The following SHANK2 variants were observed in gnomAD, a reference collection of about 807,000 sequenced individuals.
SHANK2 encodes SH3 and multiple ankyrin repeat domains 2.
In SHANK2, 43 loss-of-function variants were observed where a neutral mutation model predicts 133.7. That is an observed-to-expected ratio of 0.32 (90% confidence interval 0.25 to 0.41). The LOEUF is 0.41. SHANK2 is among the 10% of genes least tolerant of loss of function. SHANK2 has a pLI of 1.00. For synonymous variants in SHANK2, 1,017 were observed against 952.8 expected (o/e 1.07, Z -1.24); for missense variants, 1,994 against 2,235.8 (o/e 0.89, Z 2.18).
At chr11:70,850,837 G>C (rs139234151) in intron 11 of SHANK2, among the ~76,000 whole-genome samples, 17 of 152,334 alleles carry the variant, frequency 1.1e-4, no homozygotes, top group African/African-American at 4.1e-4. Context: ...CAGACCAGCT[G>C]AAACAAGTAC....
intron 17 of SHANK2, among the ~76,000 whole-genome samples, chr11:70,602,872 G>T (rs1212924230): frequency 6.6e-6 from 1 of 152,176 alleles, no homozygotes; most frequent in African/African-American, 2.4e-5. Flanking sequence ...CACAGGCTTT[G>T]GATAGCGACT....
intron 17 of SHANK2, among the ~76,000 whole-genome samples, chr11:70,585,417 A>G (rs1323533282): frequency 2.0e-5 from 3 of 152,184 alleles, no homozygotes; most frequent in Admixed American, 1.3e-4. Context: ...AAGCTGCCCC[A>G]GGTCCTCACA....
At chr11:70,620,809 T>C (rs1431164792) in intron 17 of SHANK2, among the ~76,000 whole-genome samples, 1 of 152,158 alleles carries the variant, frequency 6.6e-6, no homozygotes, top group Non-Finnish European at 1.5e-5. Context: ...CTCTCCTCTC[T>C]CTGCCATGTG....
chr11:71,196,942 G>T lies in SHANK2; in HGVS notation c.-13+27755C>A, dbSNP rs1591010137. Among the ~76,000 whole-genome samples, 5 of 144,954 alleles carry T rather than the reference G, an allele frequency of 3.4e-5. No individual in the cohort carries two copies. In the South Asian group the frequency reaches 1.1e-3, roughly 32 times the overall value. ...GAACCTGGGAGGCAGAGGTTGCAGT[G>T]AGCTGAGATAGCGCCACCGCACTTC... On this transcript the variant is annotated intron_variant, in intron 2 of 25. Transcript: ENST00000601538.
intron 17 of SHANK2, among the ~76,000 whole-genome samples, chr11:70,638,166 T>C (rs1329311829): frequency 6.6e-6 from 1 of 151,978 alleles, no homozygotes; most frequent in Admixed American, 6.6e-5. Flanking sequence ...GTCACTGCAC[T>C]GCTCAGAGCA....
chr11:70,672,222 C>A (rs1358510008), intron 15 of SHANK2, among the ~76,000 whole-genome samples: 1 of 151,990 alleles, frequency 6.6e-6, no homozygotes, highest in African/African-American at 2.4e-5. Flanking sequence ...CGCCACCATG[C>A]CTGGCTAATT....
At chr11:70,577,618 A>C (rs566568512) in intron 17 of SHANK2, among the ~76,000 whole-genome samples, 1 of 152,278 alleles carries the variant, frequency 6.6e-6, no homozygotes, top group South Asian at 2.1e-4. Flanking sequence ...ATGAGGCAAC[A>C]GATTGATTTG....
At chr11:70,899,139 G>T (rs980298893) in intron 10 of SHANK2, among the ~76,000 whole-genome samples, 20 of 152,194 alleles carry the variant, frequency 1.3e-4, no homozygotes, top group African/African-American at 4.8e-4. Flanking sequence ...GATGGTTTGT[G>T]TGTGTCCCCA....
intron 10 of SHANK2, among the ~76,000 whole-genome samples, chr11:70,902,795 G>A (rs998635132): frequency 6.6e-6 from 1 of 152,166 alleles, no homozygotes; most frequent in Non-Finnish European, 1.5e-5. Flanking sequence ...TTGGCACTGG[G>A]ATTAACAAGT....
chr11:71,134,419 G>A (rs1254447396), intron 3 of SHANK2, among the ~76,000 whole-genome samples: 2 of 150,736 alleles, frequency 1.3e-5, no homozygotes, highest in African/African-American at 2.5e-5. Flanking sequence ...TGAATTATAT[G>A]GCATGTATAT....
chr11:71,196,961 G>A (rs1198886844), intron 2 of SHANK2, among the ~76,000 whole-genome samples: 2 of 131,876 alleles, frequency 1.5e-5, no homozygotes, highest in Non-Finnish European at 3.1e-5. Context: ...TAGCGCCACC[G>A]CACTTCAGCC....
chr11:70,906,444 C>T (rs1183171579), intron 10 of SHANK2, among the ~76,000 whole-genome samples: 1 of 152,192 alleles, frequency 6.6e-6, no homozygotes, highest in Admixed American at 6.5e-5. Context: ...ACTTGCTCAA[C>T]AAGCTCCTGG....
chr11:71,147,879 G>A (rs1952687250), intron 2 of SHANK2, among the ~76,000 whole-genome samples: 1 of 152,184 alleles, frequency 6.6e-6, no homozygotes, highest in African/African-American at 2.4e-5. Context: ...AAAAGGCCAG[G>A]GCCAGGCCCA....
At chr11:71,073,142 C>CTTTTTTTTTTTTTTTTTTTT (rs1951165821) in intron 9 of SHANK2, among the ~76,000 whole-genome samples, 1 of 41,092 alleles carries the variant, frequency 2.4e-5, no homozygotes, top group African/African-American at 4.6e-5. Flanking sequence ...TTTTCTTTTT[C>CTTTTTTTTTTTTTTTTTTTT]TTTTCTTTTT....
At chr11:71,080,241 C>T (rs1590889701) in intron 8 of SHANK2, among the ~76,000 whole-genome samples, 1 of 152,168 alleles carries the variant, frequency 6.6e-6, no homozygotes, top group East Asian at 1.9e-4. Context: ...CCACCCATGT[C>T]TGCTGCCTCT....
At chr11:70,640,812 T>C (rs1463861643) in intron 17 of SHANK2, among the ~76,000 whole-genome samples, 2 of 152,100 alleles carry the variant, frequency 1.3e-5, no homozygotes, top group Non-Finnish European at 2.9e-5. Flanking sequence ...AAACGGAGAG[T>C]CAGGCAAGTC....
intron 14 of SHANK2, among the ~76,000 whole-genome samples, chr11:70,787,333 GACC>G (rs1314851145): frequency 2.6e-5 from 1 of 38,088 alleles, no homozygotes; most frequent in African/African-American, 1.1e-4. Flanking sequence ...TGACCACCAT[GACC>G]ACCACCACCA....
At chr11:70,822,830 C>G (rs10736815) in intron 11 of SHANK2, among the ~76,000 whole-genome samples, 5 of 17,980 alleles carry the variant, frequency 2.8e-4, no homozygotes, top group Non-Finnish European at 3.9e-4. Flanking sequence ...GCTGGCAGAG[C>G]TCATGGGGGT....
intron 12 of SHANK2, among the ~76,000 whole-genome samples, chr11:70,815,514 C>A (rs544531720): frequency 1.7e-4 from 26 of 152,322 alleles, no homozygotes; most frequent in Non-Finnish European, 3.2e-4. Context: ...CCCTCACACC[C>A]CTTGCAGCCC....
Sources: gnomAD v4.1 joint callset for allele counts (sites outside exome capture counted in the v4.1 genomes callset) on GRCh38, gnomAD v4.1.1 for gene constraint, MANE v1.5 for transcripts, NCBI Gene and HGNC (gene_info 2026-07-23, HGNC 2026-07-21) for gene names.